The following JCAD variants were observed in gnomAD, a reference collection of about 807,000 sequenced individuals.
JCAD encodes the protein junctional cadherin 5-associated protein.
A neutral mutation model predicts 98.0 loss-of-function variants in JCAD; 40 were observed. The observed-to-expected ratio is 0.41, with a 90% CI of 0.32 to 0.53. The LOEUF (loss-of-function observed/expected upper bound fraction) is 0.53. Among genes scored for constraint, JCAD ranks in the 20% least tolerant of loss-of-function variants. The pLI, the probability that JCAD is intolerant of heterozygous loss-of-function variation, is 0.31. For missense variants in JCAD, 1,705 were observed against 1,738.1 expected (o/e 0.98, Z 0.34); for synonymous variants, 691 against 682.3 (o/e 1.01, Z -0.20).
At chr10:30,113,692 C>G (rs918166804) in intron 1 of JCAD, among the ~76,000 whole-genome samples, 3 of 151,990 alleles carry the variant, frequency 2.0e-5, no homozygotes, top group Non-Finnish European at 4.4e-5. Context: ...CTCCCTCCAC[C>G]TCTCTTCACC....
chr10:30,048,386 T>TC (rs1213026454), intron 1 of JCAD, among the ~76,000 whole-genome samples: 3 of 152,144 alleles, frequency 2.0e-5, no homozygotes, highest in Non-Finnish European at 4.4e-5. Context: ...ATCAACACAG[T>TC]CATGATACAA....
Position 30,029,667 on chromosome 10 carries a change from C to T in JCAD, c.481G>A (p.Glu161Lys). 1 of 1,614,242 alleles carries T rather than the reference C, an allele frequency of 6.2e-7. No homozygotes were observed. Among genetic ancestry groups the T allele is most frequent in the South Asian group, 1.1e-5 (1 of 91,086 alleles). ...CAAACTGGCTTCTTCATCACATGCT[C>T]TGACCTTCCTCCAACTTCCCATGGA... ...EGPWEVGGRS[E>K]HVMKKPVWEE... is the part of the protein sequence containing the mutation. Residue 161 changes from glutamate to lysine, a missense_variant, in exon 3 of 4, where the codon GAG (glutamate) becomes AAG (lysine). Physicochemically the swap from Glu to Lys is moderately conservative, Grantham distance 56. Transcript: ENST00000375377.
At chr10:30,050,313 T>A (rs1837441328) in intron 1 of JCAD, among the ~76,000 whole-genome samples, 3 of 41,846 alleles carry the variant, frequency 7.2e-5, no homozygotes, top group South Asian at 1.7e-3. Flanking sequence ...AGACCCTGTC[T>A]CAAAAAAAAA....
intron 1 of JCAD, among the ~76,000 whole-genome samples, chr10:30,094,583 A>G (rs2132700637): frequency 6.6e-6 from 1 of 152,330 alleles, no homozygotes; most frequent in Non-Finnish European, 1.5e-5. Flanking sequence ...TGCATGCAAT[A>G]TTCATCTTTT....
chr10:30,100,263 T>G (rs1202761334), intron 1 of JCAD, among the ~76,000 whole-genome samples: 1 of 152,234 alleles, frequency 6.6e-6, no homozygotes, highest in Non-Finnish European at 1.5e-5. Context: ...AGGGTTGATA[T>G]TCTTGGTGGA....
intron 1 of JCAD, among the ~76,000 whole-genome samples, chr10:30,084,537 T>C (rs1838136643): frequency 6.6e-6 from 1 of 152,208 alleles, no homozygotes; most frequent in African/African-American, 2.4e-5. Context: ...ACAAAAAGAC[T>C]GACCTTGTCC....
chr10:30,029,991 T>C (rs41284756), intron 2 of JCAD, 125 bp from the exon 3 acceptor site: 7 of 1,087,714 alleles, frequency 6.4e-6, no homozygotes, highest in Non-Finnish European at 9.0e-6. Flanking sequence ...GCCACAGTAC[T>C]TGCCAGCTTG....
At chr10:30,042,555 C>T (rs1178516584) in intron 2 of JCAD, among the ~76,000 whole-genome samples, 1 of 151,686 alleles carries the variant, frequency 6.6e-6, no homozygotes, top group African/African-American at 2.4e-5. Flanking sequence ...GAAGCAGAAG[C>T]TGTCAGGGAA....
In JCAD at chr10:30,028,135, C is replaced by T; in HGVS notation, c.2013G>A (p.Lys671=). 1.2e-6 allele frequency: 2 copies of T among 1,614,166 alleles called. No individual in the cohort carries two copies. Among genetic ancestry groups the T allele is most frequent in the Non-Finnish European group, 8.5e-7 (1 of 1,180,032 alleles). The part of the protein sequence containing the change: ...TNDLSFIHLT[K]HRELKHSGSW... ...AGCCAGAATGCTTGAGTTCTCTGTG[C>T]TTTGTAAGGTGGATGAAACTGAGGT... Residue 671 remains lysine (K), a synonymous_variant, in exon 3 of 4, where the codon AAG becomes AAA. Transcript: ENST00000375377.
At chr10:30,106,036 A>G (rs1217876256) in intron 1 of JCAD, among the ~76,000 whole-genome samples, 1 of 152,202 alleles carries the variant, frequency 6.6e-6, no homozygotes, top group Non-Finnish European at 1.5e-5. Context: ...AATATCTTCA[A>G]GTACTAAGAC....
At chr10:30,020,147 C>T (rs946000761) in intron 3 of JCAD, among the ~76,000 whole-genome samples, 27 of 151,540 alleles carry the variant, frequency 1.8e-4, no homozygotes, top group Admixed American at 1.5e-3. Context: ...GCCGACATGG[C>T]GAAACCCCAT....
intron 3 of JCAD, among the ~76,000 whole-genome samples, chr10:30,024,930 C>T (rs1023904997): frequency 2.0e-5 from 3 of 151,954 alleles, no homozygotes; most frequent in Non-Finnish European, 2.9e-5. Context: ...CTCCTGACCT[C>T]GTGATCCACC....
chr10:30,093,865 G>A (rs1051723213), intron 1 of JCAD, among the ~76,000 whole-genome samples: 2 of 152,160 alleles, frequency 1.3e-5, no homozygotes, highest in Non-Finnish European at 2.9e-5. Flanking sequence ...CAAATTAAAC[G>A]CCAAACTTCT....
At chr10:30,058,574 C>CT (rs1837630654) in intron 1 of JCAD, among the ~76,000 whole-genome samples, 1 of 152,228 alleles carries the variant, frequency 6.6e-6, no homozygotes, top group Non-Finnish European at 1.5e-5. Flanking sequence ...AGGCGCTCTG[C>CT]TTCTTGACGG....
chr10:30,071,714 G>A (rs1837894252), intron 1 of JCAD, among the ~76,000 whole-genome samples: 1 of 152,170 alleles, frequency 6.6e-6, no homozygotes, highest in African/African-American at 2.4e-5. Flanking sequence ...GGGGGCGGAG[G>A]TTGCAAGGAG....
At chr10:30,045,874 C>T (rs1472110147) in intron 2 of JCAD, among the ~76,000 whole-genome samples, 5 of 152,198 alleles carry the variant, frequency 3.3e-5, no homozygotes, top group Non-Finnish European at 5.9e-5. Flanking sequence ...TGGGCAGAAA[C>T]GAGGGCTCTC....
intron 2 of JCAD, among the ~76,000 whole-genome samples, chr10:30,045,920 T>A (rs1228028248): frequency 1.3e-5 from 2 of 152,242 alleles, no homozygotes; most frequent in Non-Finnish European, 1.5e-5. Flanking sequence ...TTAAGTGCTC[T>A]GACTAAAAAC....
chr10:30,085,318 T>A (rs887855848), intron 1 of JCAD, among the ~76,000 whole-genome samples: 2 of 152,178 alleles, frequency 1.3e-5, no homozygotes, highest in Non-Finnish European at 2.9e-5. Context: ...TATTTCTACA[T>A]TTATCTTTTA....
intron 2 of JCAD, among the ~76,000 whole-genome samples, chr10:30,034,441 T>G (rs1191101030): frequency 2.6e-5 from 4 of 152,332 alleles, no homozygotes; most frequent in Middle Eastern, 3.4e-3. Context: ...CTGTACTGTC[T>G]TAACACCGGG....
Sources: allele counts gnomAD v4.1 joint callset (sites outside exome capture counted in the v4.1 genomes callset), GRCh38; gene constraint gnomAD v4.1.1; transcripts MANE v1.5; gene names NCBI Gene and HGNC (gene_info 2026-07-23, HGNC 2026-07-21).